Variants in RNF216 observed in about 807,000 individuals in gnomAD.
RNF216 encodes E3 ubiquitin-protein ligase RNF216.
RNF216 carries 72 observed loss-of-function variants against 110.8 expected under a neutral mutation model. The observed-to-expected ratio is 0.65, with a 90% CI of 0.54 to 0.79. The LOEUF is 0.79. Ranked by LOEUF, RNF216 falls within the 30% of genes least tolerant of loss-of-function variation. The pLI is 0.00. For missense variants in RNF216, 1,342 were observed against 1,141.2 expected (o/e 1.18, Z -2.54); for synonymous variants, 495 against 407.5 (o/e 1.21, Z -2.59).
intron 13 of RNF216, among the ~76,000 whole-genome samples, chr7:5,709,260 A>G (rs759252464): frequency 5.3e-5 from 8 of 152,130 alleles, no homozygotes; most frequent in African/African-American, 1.7e-4. Context: ...AATATTAGAT[A>G]TATGTTCCAG....
At chr7:5,686,438 G>T (rs1476788431) in intron 13 of RNF216, among the ~76,000 whole-genome samples, 1 of 152,116 alleles carries the variant, frequency 6.6e-6, no homozygotes, top group Non-Finnish European at 1.5e-5. Flanking sequence ...AGTAAATGAT[G>T]TGCGGACAGT....
intron 3 of RNF216, among the ~76,000 whole-genome samples, chr7:5,748,070 G>C (rs1344882209): frequency 6.6e-6 from 1 of 152,020 alleles, no homozygotes; most frequent in South Asian, 2.1e-4. Context: ...ATACCAATAG[G>C]CGGTATCAGG....
At chr7:5,754,637 T>C (rs933767515) in intron 2 of RNF216, among the ~76,000 whole-genome samples, 5 of 152,092 alleles carry the variant, frequency 3.3e-5, no homozygotes, top group South Asian at 4.1e-4. Context: ...AAAATGGCCA[T>C]AGTGAATAAG....
At chr7:5,655,045 A>G (rs934307166) in intron 13 of RNF216, among the ~76,000 whole-genome samples, 3 of 152,236 alleles carry the variant, frequency 2.0e-5, no homozygotes, top group Non-Finnish European at 4.4e-5. Flanking sequence ...GCTTGAAAAC[A>G]ATACATGGCA....
intron 14 of RNF216, among the ~76,000 whole-genome samples, chr7:5,644,168 C>T (rs968837261): frequency 6.6e-6 from 1 of 152,110 alleles, no homozygotes; most frequent in Non-Finnish European, 1.5e-5. Flanking sequence ...TTTATATGGA[C>T]ACTTGTTTTC....
intron 1 of RNF216, among the ~76,000 whole-genome samples, chr7:5,769,624 CG>C (rs1376790077): frequency 6.6e-6 from 1 of 151,420 alleles, no homozygotes; most frequent in African/African-American, 2.4e-5. Context: ...CATGGGAGGC[CG>C]GGGAGGGAGG....
At chr7:5,652,355 G>A in intron 14 of RNF216, 58 bp downstream of exon 14, 1 of 1,233,658 alleles carries the variant, frequency 8.1e-7, no homozygotes, top group Non-Finnish European at 1.2e-6. Context: ...CTACCAAAAA[G>A]CAGGTTAATG....
chr7:5,628,701 T>G (rs985897215), intron 15 of RNF216, among the ~76,000 whole-genome samples: 128 of 140,102 alleles, frequency 9.1e-4, no homozygotes, highest in African/African-American at 3.2e-3. Context: ...TTTTTTTTTT[T>G]GTAGAAATGG....
At chr7:5,685,535 T>C (rs1041884037) in intron 13 of RNF216, among the ~76,000 whole-genome samples, 1 of 152,202 alleles carries the variant, frequency 6.6e-6, no homozygotes. Flanking sequence ...CACGGTGAAC[T>C]ACATCAAGGC....
chr7:5,738,337 T>C (rs185945335), intron 5 of RNF216, among the ~76,000 whole-genome samples: 142 of 152,188 alleles, frequency 9.3e-4, no homozygotes, highest in African/African-American at 3.4e-3. Flanking sequence ...GCAATCCTCT[T>C]GCCTCAGCCT....
Position 5,739,371 on chromosome 7 carries a change from A to C in RNF216, c.1045-19T>G. 1.9e-6 allele frequency: 3 copies of C among 1,584,136 alleles called. No homozygotes were observed. Among genetic ancestry groups the C allele is most frequent in the Non-Finnish European group, 2.6e-6 (3 of 1,167,012 alleles). ...TTGCTTCCTAGAAACAAATAAGAAC[A>C]TAATTTATATTTCATTCACTAGAAT... On this transcript the variant is annotated intron_variant, in intron 4 of 16. Transcript: ENST00000389902.
At chr7:5,781,242 T>C (rs1455886457) in intron 1 of RNF216, among the ~76,000 whole-genome samples, 2 of 151,962 alleles carry the variant, frequency 1.3e-5, no homozygotes, top group African/African-American at 4.8e-5. Flanking sequence ...GCTGTTGCCC[T>C]CGCGCAGCAG....
chr7:5,641,097 A>C (rs1346551708), intron 15 of RNF216, 57 bp downstream of exon 15: 11 of 1,337,594 alleles, frequency 8.2e-6, no homozygotes, highest in Non-Finnish European at 1.0e-5. Context: ...TATTTGTCAT[A>C]AAAATATATT....
At position 5,761,005 on chromosome 7, in the gene RNF216, T is replaced by C. The variant is rs143318542; in HGVS notation, c.65A>G (p.Gln22Arg). ...TGAAGTGAGAACAAACAACTTACCT[T>C]GTCCCCGATGGCAGTGAAAGTTGTT... ...HLNNFHCHRGQEWINLRDGPI... is the reference protein window; with the variant it reads ...HLNNFHCHRGREWINLRDGPI... Residue 22 changes from glutamine to arginine, a missense_variant and splice_region_variant, in exon 2 of 17, where the codon CAA becomes CGA. Transcript: ENST00000389902. The C allele has an allele frequency of 1.1e-4, 173 of 1,571,180 alleles. No individual in the cohort carries two copies. In the South Asian group the frequency reaches 1.8e-3, roughly 17 times the overall value.
chr7:5,750,621 G>A (rs1427325238), intron 3 of RNF216, among the ~76,000 whole-genome samples: 1 of 152,190 alleles, frequency 6.6e-6, no homozygotes, highest in Non-Finnish European at 1.5e-5. Context: ...AAATCGCAAG[G>A]AATAAGTCTC....
chr7:5,711,916 A>G, intron 12 of RNF216, 77 bp from the exon 13 acceptor site: 1 of 1,301,168 alleles, frequency 7.7e-7, no homozygotes, highest in Middle Eastern at 1.9e-4. Flanking sequence ...GTGGCTGTTC[A>G]TATGAAGATG....
rs866582943 is a variant in RNF216, at chr7:5,781,629, C to G, written c.-158G>C. 2.8e-4 allele frequency: 42 copies of G among 152,410 alleles called. 1 individual carries two copies. The highest frequency in any genetic ancestry group is 8.2e-4 in the African/African-American group (34 of 41,598). 9.4% of individuals were successfully genotyped at this position (152,410 alleles called of 1,614,324 possible). Reference sequence around the variant, plus strand: ...CCTCAGAAGCCGCAGCTGCGAGCTCCGTGGCAGCCGCTGCACTCCTTCCGG... The same window carrying G: ...CCTCAGAAGCCGCAGCTGCGAGCTCGGTGGCAGCCGCTGCACTCCTTCCGG... On this transcript the variant is annotated 5_prime_UTR_variant, in exon 1 of 17. Coordinates refer to ENST00000389902, the MANE Select transcript of RNF216 (RefSeq NM_207111.4).
intron 7 of RNF216, among the ~76,000 whole-genome samples, chr7:5,726,232 C>T (rs1395136747): frequency 1.3e-5 from 2 of 152,126 alleles, no homozygotes; most frequent in African/African-American, 4.8e-5. Context: ...GCCATGATTG[C>T]GCCACTGCAC....
At chr7:5,756,144 T>C (rs1358889342) in intron 2 of RNF216, among the ~76,000 whole-genome samples, 1 of 152,154 alleles carries the variant, frequency 6.6e-6, no homozygotes, top group Non-Finnish European at 1.5e-5. Context: ...CCGATGGTTT[T>C]ATATGCACTG....
Sources: allele counts gnomAD v4.1 joint callset (sites outside exome capture counted in the v4.1 genomes callset), GRCh38; gene constraint gnomAD v4.1.1; transcripts MANE v1.5; gene names NCBI Gene and HGNC (gene_info 2026-07-23, HGNC 2026-07-21).